Variants in TXNRD2 observed in about 807,000 individuals in gnomAD.
TXNRD2 encodes thioredoxin reductase 2.
In TXNRD2, 67 loss-of-function variants were observed where a neutral mutation model predicts 70.8. The ratio of observed to expected loss-of-function variants is 0.95; its 90% CI spans 0.78 to 1.16. The LOEUF is 1.16. TXNRD2 is among the 50% of genes most tolerant of loss of function. The probability of loss-of-function intolerance (pLI) is 0.00; values close to 1 mark genes in which losing one functional copy is unlikely to be tolerated. For missense variants in TXNRD2, 644 were observed against 719.9 expected (o/e 0.89, Z 1.21); for synonymous variants, 301 against 295.8 (o/e 1.02, Z -0.18).
In TXNRD2 at chr22:19,918,195, G is replaced by T; in HGVS notation, c.397C>A (p.Gln133Lys). 6.2e-7 allele frequency: 1 copy of T among 1,614,178 alleles called. No homozygotes were observed. Among genetic ancestry groups the T allele is most frequent in the South Asian group, 1.1e-5 (1 of 91,084 alleles). ...HDWRKMAEAV[Q>K]NHVKSLNWGH... ...CAGTTCAAGGATTTCACGTGATTTT[G>T]AACAGCTTCTGCCATCTTCCTCCTG... Residue 133 changes from glutamine to lysine, a missense_variant, in exon 5 of 18, where the codon CAA (glutamine) becomes AAA (lysine). Coordinates refer to ENST00000400521, the MANE Select transcript of TXNRD2 (RefSeq NM_006440.5).
intron 8 of TXNRD2, among the ~76,000 whole-genome samples, chr22:19,909,936 TCACA>T (rs1197731872): frequency 2.0e-4 from 7 of 35,466 alleles, no homozygotes; most frequent in Middle Eastern, 0.022. Context: ...CACACACCAC[TCACA>T]CACCACACAC....
intron 12 of TXNRD2, among the ~76,000 whole-genome samples, chr22:19,881,731 C>G (rs968418119): frequency 1.3e-5 from 2 of 152,192 alleles, no homozygotes; most frequent in Non-Finnish European, 2.9e-5. Context: ...GGTGCAGCGC[C>G]CACAGGATTC....
intron 11 of TXNRD2, among the ~76,000 whole-genome samples, chr22:19,888,330 G>A (rs1348271823): frequency 6.6e-6 from 1 of 152,186 alleles, no homozygotes; most frequent in African/African-American, 2.4e-5. Context: ...CCCCAAGGAG[G>A]GACCAGAGAA....
chr22:19,880,034 T>C, intron 14 of TXNRD2, 145 bp downstream of exon 14: 1 of 851,586 alleles, frequency 1.2e-6, no homozygotes, highest in Non-Finnish European at 1.9e-6. Flanking sequence ...GCCCCCAACG[T>C]GTCCCTTCCC....
At chr22:19,940,256 A>C (rs1941662370) in intron 1 of TXNRD2, among the ~76,000 whole-genome samples, 1 of 151,364 alleles carries the variant, frequency 6.6e-6, no homozygotes, top group Non-Finnish European at 1.5e-5. Context: ...AAAAAAAAAA[A>C]AAAAAAAAAA....
Position 19,915,276 on chromosome 22 carries a change from T to C in TXNRD2, c.529A>G (p.Ile177Val), listed in dbSNP as rs373970291. 4 of 1,613,282 alleles carry C rather than the reference T, an allele frequency of 2.5e-6. No individual in the cohort carries two copies. Among genetic ancestry groups the C allele is most frequent in the Non-Finnish European group, 3.4e-6 (4 of 1,179,804 alleles). ...ATGATGTGATCGGCTGACAGCAGAA[T>C]CTGAGGAGAAAAAGAGAAAGCCGTG... Reference protein sequence around the residue: ...VCGVAKGGKEILLSADHIIIA... With the variant: ...VCGVAKGGKEVLLSADHIIIA... Residue 177 changes from isoleucine to valine, a missense_variant and splice_region_variant, in exon 7 of 18, where the codon ATT (isoleucine) becomes GTT (valine). Physicochemically the swap from Ile to Val is conservative, Grantham distance 29 (BLOSUM62 3). Transcript: ENST00000400521.
Position 19,915,903 on chromosome 22 carries a change from G to T in TXNRD2, c.450-60C>A. 2.1e-6 allele frequency: 3 copies of T among 1,457,498 alleles called. No individual in the cohort carries two copies. In the South Asian group the frequency reaches 3.5e-5, roughly 17 times the overall value. The allele number at this position is 1,457,498 out of a possible 1,614,324, so 90.3% of individuals were successfully genotyped here. On this transcript the variant is annotated intron_variant, in intron 5 of 17. Transcript: ENST00000400521. ...TCTGCAAATTAAACCTCACCAACTG[G>T]ATCAATAGGGAACACTGGTAAAAGG...
intron 2 of TXNRD2, among the ~76,000 whole-genome samples, chr22:19,926,115 A>G (rs1941130833): frequency 6.7e-6 from 1 of 149,640 alleles, no homozygotes; most frequent in African/African-American, 2.5e-5. Context: ...GTGAGCCGAG[A>G]TTGTGCCATG....
chr22:19,914,129 A>G (rs1302584079), intron 7 of TXNRD2, among the ~76,000 whole-genome samples: 1 of 152,168 alleles, frequency 6.6e-6, no homozygotes, highest in Non-Finnish European at 1.5e-5. Flanking sequence ...TGACCCTTAC[A>G]CCCCACTGGA....
At chr22:19,915,524 C>G (rs959976103) in intron 6 of TXNRD2, among the ~76,000 whole-genome samples, 1 of 152,142 alleles carries the variant, frequency 6.6e-6, no homozygotes, top group Non-Finnish European at 1.5e-5. Context: ...CCCTCAAATC[C>G]CCAAAAAATC....
intron 15 of TXNRD2, 49 bp from the exon 16 acceptor site, chr22:19,878,236 GTCCACCCTGCA>G (rs1938598916): frequency 1.9e-6 from 3 of 1,598,768 alleles, no homozygotes; most frequent in South Asian, 1.1e-5. Flanking sequence ...GCTGGGTTGC[GTCCACCCTGCA>G]TCCACCCTGC....
At chr22:19,918,750 C>T (rs1940750620) in intron 4 of TXNRD2, 110 bp downstream of exon 4, 1 of 1,380,094 alleles carries the variant, frequency 7.2e-7, no homozygotes, top group East Asian at 2.3e-5. Flanking sequence ...GCTGAGAAAC[C>T]CATCCTACGG....
chr22:19,941,795 T>C lies in TXNRD2; in HGVS notation c.9A>G (p.Ala3=), dbSNP rs2146120440. 6.6e-7 allele frequency: 1 copy of C among 1,522,420 alleles called. No individual in the cohort carries two copies. The allele number at this position is 1,522,420 out of a possible 1,614,324, so 94.3% of individuals were successfully genotyped here. A position where few individuals can be genotyped will look rare whatever the true frequency, so the allele number is the denominator to read the frequency against. Residue 3 remains alanine (A), a synonymous_variant, in exon 1 of 18, where the codon GCA becomes GCG. Coordinates refer to ENST00000400521, the MANE Select transcript of TXNRD2 (RefSeq NM_006440.5). ...CTAATCCCCGCAGCGCCACCGCCAT[T>C]GCCGCCATCGTCGTGGGGCTTCTGG... MA[A]MAVALRGLGG... is the part of the protein sequence containing the mutation.
intron 1 of TXNRD2, among the ~76,000 whole-genome samples, chr22:19,934,127 C>G (rs908137653): frequency 2.6e-5 from 4 of 152,222 alleles, no homozygotes; most frequent in Non-Finnish European, 5.9e-5. Context: ...TGTATGGCTG[C>G]TCTATCTAGA....
intron 12 of TXNRD2, among the ~76,000 whole-genome samples, chr22:19,881,709 G>A (rs1293515336): frequency 6.6e-6 from 1 of 152,186 alleles, no homozygotes; most frequent in East Asian, 1.9e-4. Context: ...GATGCACATG[G>A]CACTGTCTCA....
chr22:19,888,494 C>T (rs547475254), intron 11 of TXNRD2, among the ~76,000 whole-genome samples: 3 of 152,354 alleles, frequency 2.0e-5, no homozygotes, highest in Admixed American at 6.5e-5. Context: ...ATTTCACGCC[C>T]GCCTGGGACA....
intron 11 of TXNRD2, among the ~76,000 whole-genome samples, chr22:19,889,729 G>A (rs190579006): frequency 6.7e-4 from 102 of 152,160 alleles, no homozygotes; most frequent in South Asian, 1.2e-3. Context: ...TCCCACCTTG[G>A]CATTCCAAAG....
chr22:19,906,926 A>C (rs150337947), intron 8 of TXNRD2, among the ~76,000 whole-genome samples: 2,600 of 113,096 alleles, frequency 0.023, 39 homozygotes, highest in South Asian at 0.079. Context: ...GACGGCTCTC[A>C]GGAGAGTGTG....
rs1457683479 is a variant in TXNRD2 at position 19,905,946 on chromosome 22, G to T, written c.662+5431C>A. Among the ~76,000 whole-genome samples the T allele has an allele frequency of 2.0e-5, 3 of 151,400 alleles. No individual in the cohort carries two copies. The East Asian group carries it at 5.8e-4, about 29-fold the overall frequency. ...AAAAAAAAAAAATCTTGGGGGTGGGGCAGGCCTTTCTGAACATGCAATAAA... is the reference window on the plus strand; with the variant it reads ...AAAAAAAAAAAATCTTGGGGGTGGGTCAGGCCTTTCTGAACATGCAATAAA... On this transcript the variant is annotated intron_variant, in intron 8 of 17. Transcript: ENST00000400521.
Sources: gnomAD v4.1 joint callset for allele counts (sites outside exome capture counted in the v4.1 genomes callset) on GRCh38, gnomAD v4.1.1 for gene constraint, MANE v1.5 for transcripts, NCBI Gene and HGNC (gene_info 2026-07-23, HGNC 2026-07-21) for gene names.